Variants in PDE10A observed in about 807,000 individuals in gnomAD.
PDE10A encodes the protein phosphodiesterase 10A.
PDE10A carries 39 observed loss-of-function variants against 97.7 expected under a neutral mutation model. That is an observed-to-expected ratio of 0.40 (90% CI 0.31 to 0.52). PDE10A has a LOEUF of 0.52. PDE10A is among the 20% of genes least tolerant of loss of function. The pLI, the probability that PDE10A is intolerant of heterozygous loss-of-function variation, is 0.56. For missense variants in PDE10A, 731 were observed against 1,047.8 expected (o/e 0.70, Z 4.17); for synonymous variants, 371 against 376.8 (o/e 0.98, Z 0.18).
chr6:165,500,426 A>G lies in PDE10A; in HGVS notation c.995-18083T>C, dbSNP rs138770288. On this transcript the variant is annotated intron_variant, in intron 2 of 21. Coordinates refer to ENST00000539869, the MANE Select transcript of PDE10A (RefSeq NM_001385079.1). ...ATCCTAGCCCCAACCCTGTGCTCGCAGAGACCTGTGCTGTGTTGACTCAAG... is the reference window on the plus strand; with the variant it reads ...ATCCTAGCCCCAACCCTGTGCTCGCGGAGACCTGTGCTGTGTTGACTCAAG... Among the ~76,000 whole-genome samples the G allele has an allele frequency of 9.2e-5, 14 of 152,352 alleles. No homozygotes were observed. In the Middle Eastern group the frequency reaches 0.01, roughly 111 times the overall value.
At chr6:165,927,845 C>T (rs192498205) in intron 1 of PDE10A, among the ~76,000 whole-genome samples, 10 of 149,510 alleles carry the variant, frequency 6.7e-5, no homozygotes, top group Admixed American at 2.0e-4. Flanking sequence ...TATAGGTGTG[C>T]GCCACCATGC....
chr6:165,549,927 A>T (rs1783932439), intron 1 of PDE10A, among the ~76,000 whole-genome samples: 1 of 152,240 alleles, frequency 6.6e-6, no homozygotes, highest in Non-Finnish European at 1.5e-5. Context: ...ATTAGGAAAA[A>T]GCATTTTTCA....
At position 165,901,069 on chromosome 6, in the gene PDE10A, C is replaced by T. The variant is rs565937812; in HGVS notation, c.-615+86460G>A. On this transcript the variant is annotated intron_variant, in intron 1 of 19. Coordinates refer to the PDE10A transcript ENST00000366882. ...CTGTAGACAGCAGCACGTTCCACCT[C>T]GGCCTCCACGTGGACTCATCCACCG... 1.4e-4 allele frequency among the ~76,000 whole-genome samples: 22 copies of T among 152,256 alleles called. 1 individual carries two copies. The South Asian group carries it at 3.7e-3, about 26-fold the overall frequency.
At chr6:165,450,190 G>A in intron 4 of PDE10A, 52 bp downstream of exon 4, 1 of 1,291,608 alleles carries the variant, frequency 7.7e-7, no homozygotes, top group East Asian at 2.6e-5. Flanking sequence ...GCTGCTTTTT[G>A]TAAAAGAATC....
chr6:165,838,466 T>C (rs527527425), intron 1 of PDE10A, among the ~76,000 whole-genome samples: 1 of 152,346 alleles, frequency 6.6e-6, no homozygotes, highest in East Asian at 1.9e-4. Context: ...CAGTGGTTTT[T>C]AGTATATTTT....
At chr6:165,354,975 G>T (rs376272575) in intron 18 of PDE10A, among the ~76,000 whole-genome samples, 30 of 152,206 alleles carry the variant, frequency 2.0e-4, no homozygotes, top group African/African-American at 5.5e-4. Flanking sequence ...TTCTTAAGTA[G>T]ATTATAACTT....
intron 13 of PDE10A, among the ~76,000 whole-genome samples, chr6:165,410,811 G>A (rs1347405814): frequency 3.3e-5 from 5 of 151,510 alleles, no homozygotes; most frequent in East Asian, 1.9e-4. Context: ...ATCCTTGGCC[G>A]GGCGCGGTGG....
intron 1 of PDE10A, among the ~76,000 whole-genome samples, chr6:165,739,374 A>G (rs184508716): frequency 6.6e-6 from 1 of 152,366 alleles, no homozygotes. Flanking sequence ...GGTGCCAAGA[A>G]CATACAATGG....
At chr6:165,630,966 T>A (rs1222357188) in intron 1 of PDE10A, among the ~76,000 whole-genome samples, 1 of 152,196 alleles carries the variant, frequency 6.6e-6, no homozygotes, top group Non-Finnish European at 1.5e-5. Flanking sequence ...TTCCTGCAAA[T>A]CAGCCCAGTG....
At chr6:165,508,358 G>A (rs999727445) in intron 2 of PDE10A, among the ~76,000 whole-genome samples, 3 of 151,994 alleles carry the variant, frequency 2.0e-5, no homozygotes, top group Non-Finnish European at 2.9e-5. Context: ...CAGTGTAACT[G>A]TTTTGAGATT....
intron 3 of PDE10A, among the ~76,000 whole-genome samples, chr6:165,469,677 C>T (rs1025758818): frequency 6.6e-6 from 1 of 151,934 alleles, no homozygotes; most frequent in African/African-American, 2.4e-5. Flanking sequence ...AGTGGTTTTC[C>T]ATCTGGGTGA....
intron 1 of PDE10A, among the ~76,000 whole-genome samples, chr6:165,772,068 C>T (rs1778026764): frequency 6.6e-6 from 1 of 152,186 alleles, no homozygotes; most frequent in Non-Finnish European, 1.5e-5. Flanking sequence ...AAAAGATTCA[C>T]CTTAAAAAAT....
rs1239857195 is a variant in PDE10A at position 165,958,597 on chromosome 6, GAAA to G, written c.-615+28929_-615+28931del. 5.5e-3 allele frequency among the ~76,000 whole-genome samples: 686 copies of G among 125,084 alleles called. 19 individuals are homozygous for G. The highest frequency in any genetic ancestry group is 0.019 in the African/African-American group (656 of 34,252). 82.1% of individuals were successfully genotyped at this position (125,084 alleles called of 152,430 possible). On this transcript the variant is annotated intron_variant, in intron 1 of 19. Transcript: ENST00000366882. The stretch of plus-strand genomic sequence containing the variant: ...AGAAAGAAAGACAGAAAGAGAGAAA[GAAA>G]GAGAGAAAGGAAGGAAGGAAGGAAT...
intron 2 of PDE10A, among the ~76,000 whole-genome samples, chr6:165,504,143 G>A (rs1265013184): frequency 6.6e-6 from 1 of 152,108 alleles, no homozygotes; most frequent in African/African-American, 2.4e-5. Flanking sequence ...ATCCTACCAA[G>A]TAGAGATAGG....
intron 18 of PDE10A, among the ~76,000 whole-genome samples, chr6:165,353,545 T>C (rs1782833174): frequency 6.6e-6 from 1 of 152,164 alleles, no homozygotes; most frequent in East Asian, 1.9e-4. Flanking sequence ...GCAATATTAT[T>C]CAATGCTGAA....
intron 1 of PDE10A, among the ~76,000 whole-genome samples, chr6:165,950,583 G>T (rs1273424617): frequency 6.6e-6 from 1 of 152,172 alleles, no homozygotes; most frequent in Non-Finnish European, 1.5e-5. Flanking sequence ...TTCTGCAAGT[G>T]GGCGTTCACA....
chr6:165,413,815 G>T, intron 12 of PDE10A, 128 bp from the exon 13 acceptor site: 2 of 636,046 alleles, frequency 3.1e-6, no homozygotes, highest in Non-Finnish European at 5.4e-6. Flanking sequence ...ATGACTAATG[G>T]CACTTTTAGC....
At chr6:165,455,416 C>G (rs746852860) in intron 3 of PDE10A, among the ~76,000 whole-genome samples, 1 of 152,070 alleles carries the variant, frequency 6.6e-6, no homozygotes, top group Non-Finnish European at 1.5e-5. Flanking sequence ...AGGATCCCCA[C>G]GTAGGAAGGG....
intron 1 of PDE10A, among the ~76,000 whole-genome samples, chr6:165,893,462 T>C (rs1781857090): frequency 6.6e-6 from 1 of 152,222 alleles, no homozygotes; most frequent in Admixed American, 6.5e-5. Context: ...AACCAGAATG[T>C]GAATATAGTT....
Sources: allele counts gnomAD v4.1 joint callset (sites outside exome capture counted in the v4.1 genomes callset), GRCh38; gene constraint gnomAD v4.1.1; transcripts MANE v1.5; gene names NCBI Gene and HGNC (gene_info 2026-07-23, HGNC 2026-07-21).